PCSK1: variants seen among roughly 807,000 people sequenced by gnomAD.
The protein encoded by PCSK1 is neuroendocrine convertase 1.
In PCSK1, 56 loss-of-function variants were observed where a neutral mutation model predicts 90.6. The ratio of observed to expected loss-of-function variants is 0.62; its 90% CI spans 0.50 to 0.77. The LOEUF (loss-of-function observed/expected upper bound fraction) is 0.77. PCSK1 is among the 30% of genes least tolerant of loss of function. The probability of loss-of-function intolerance (pLI) is 0.00; values close to 1 mark genes in which losing one functional copy is unlikely to be tolerated. For missense variants in PCSK1, 801 were observed against 932.6 expected, an observed-to-expected ratio of 0.86 and a Z score of 1.84; for synonymous variants, 348 against 342.4, an observed-to-expected ratio of 1.02 and a Z score of -0.18.
Position 96,429,228 on chromosome 5 carries a change from T to A in PCSK1, c.270A>T (p.Leu90Phe). The A allele has an allele frequency of 2.6e-6, 4 of 1,544,396 alleles. No homozygotes were observed. Among genetic ancestry groups the A allele is most frequent in the Non-Finnish European group, 3.6e-6 (4 of 1,116,576 alleles). Residue 90 changes from leucine (L) to phenylalanine (F), a missense_variant, in exon 2 of 14, where the codon TTA becomes TTT. Coordinates refer to ENST00000311106, the MANE Select transcript of PCSK1 (RefSeq NM_000439.5). ...CAACACTTACACGATCATCATCAGATAATCTCTTAGTGATATGAAAGGCAC... is the reference window on the plus strand; with the variant it reads ...CAACACTTACACGATCATCATCAGAAAATCTCTTAGTGATATGAAAGGCAC... ...RRSAFHITKR[L>F]SDDDRVIWAE...
chr5:96,423,226 G>T, intron 4 of PCSK1, 87 bp downstream of exon 4: 2 of 1,294,618 alleles, frequency 1.5e-6, no homozygotes, highest in Non-Finnish European at 2.2e-6. Flanking sequence ...CACCAGAGCA[G>T]CATCCCCTTG....
chr5:96,427,446 C>A lies in PCSK1; in HGVS notation c.286-1516G>T, dbSNP rs1349342062. On this transcript the variant is annotated intron_variant, in intron 2 of 13. Transcript: ENST00000311106. ...TTGATCTGGAAAGAGCATTGAAGAT[C>A]ATCTAATTCAACCTTCCAATGCAAG... Among the ~76,000 whole-genome samples, 7 of 152,148 alleles carry A rather than the reference C, an allele frequency of 4.6e-5. 1 individual carries two copies. In the East Asian group the frequency reaches 1.3e-3, roughly 29 times the overall value.
At chr5:96,412,600 A>G (rs1476303897) in intron 6 of PCSK1, 110 bp from the exon 7 acceptor site, 1 of 1,006,180 alleles carries the variant, frequency 9.9e-7, no homozygotes, top group Non-Finnish European at 1.5e-6. Context: ...AGAGTCAAAA[A>G]CCAGGTAACT....
chr5:96,413,698 G>A (rs1188244113), intron 6 of PCSK1, among the ~76,000 whole-genome samples: 1 of 151,392 alleles, frequency 6.6e-6, no homozygotes, highest in Non-Finnish European at 1.5e-5. Flanking sequence ...TACTCAGGAG[G>A]CTGAGGCACA....
intron 4 of PCSK1, among the ~76,000 whole-genome samples, chr5:96,422,316 G>T (rs1374662473): frequency 6.6e-6 from 1 of 152,108 alleles, no homozygotes; most frequent in African/African-American, 2.4e-5. Flanking sequence ...CTTCCCTAAG[G>T]CCATAAAGCT....
chr5:96,403,354 T>A (rs1760449594), intron 9 of PCSK1, among the ~76,000 whole-genome samples: 1 of 152,180 alleles, frequency 6.6e-6, no homozygotes, highest in South Asian at 2.1e-4. Context: ...CATGTTGGTG[T>A]GCTGCACCCG....
chr5:96,432,954 T>C lies in PCSK1; in HGVS notation c.89A>G (p.Gln30Arg). ...CALNSAKAKRQFVNEWAAEIP... is the reference protein window; with the variant it reads ...CALNSAKAKRRFVNEWAAEIP... ...CTCCGCTGCCCATTCATTGACAAATTGCCTTTTCGCTTTTGCACTGTTCAG... is the reference window on the plus strand; with the variant it reads ...CTCCGCTGCCCATTCATTGACAAATCGCCTTTTCGCTTTTGCACTGTTCAG... Residue 30 changes from glutamine to arginine, a missense_variant, in exon 1 of 14, where the codon CAA becomes CGA. Physicochemically the swap from Gln to Arg is conservative, Grantham distance 43 (BLOSUM62 1). Coordinates refer to ENST00000311106, the MANE Select transcript of PCSK1 (RefSeq NM_000439.5). The C allele has an allele frequency of 6.2e-7, 1 of 1,614,196 alleles. No individual in the cohort carries two copies. The highest frequency in any genetic ancestry group is 8.5e-7 in the Non-Finnish European group (1 of 1,180,022).
rs1211694398 is a variant in PCSK1, at chr5:96,397,457, A to G, written c.1601T>C (p.Val534Ala). 1 of 1,613,160 alleles carries G rather than the reference A, an allele frequency of 6.2e-7. No individual in the cohort carries two copies. ...ATCCCGTTCTCTTTCAGCCAAGAGCACAGTGCTAGTTCCTATGAAACAAAT... is the reference window on the plus strand; with the variant it reads ...ATCCCGTTCTCTTTCAGCCAAGAGCGCAGTGCTAGTTCCTATGAAACAAAT... ...TLTSAAGTST[V>A]LLAERERDTS... The change falls in exon 12 of 14, where the codon GTG (valine) becomes GCG (alanine). Residue 534 changes from valine (V) to alanine (A), a missense_variant. Coordinates refer to ENST00000311106, the MANE Select transcript of PCSK1 (RefSeq NM_000439.5).
chr5:96,396,277 T>C (rs191153638), intron 12 of PCSK1, among the ~76,000 whole-genome samples: 1 of 152,282 alleles, frequency 6.6e-6, no homozygotes, highest in African/African-American at 2.4e-5. Context: ...AAAAGTTATC[T>C]AGGCCGGGTG....
At position 96,432,254 on chromosome 5, in the gene PCSK1, C is replaced by T. The variant is rs1002329324; in HGVS notation, c.180+609G>A. 1.4e-5 allele frequency: 11 copies of T among 810,996 alleles called. No individual in the cohort carries two copies. In the African/African-American group the frequency reaches 1.7e-4, roughly 13 times the overall value. 50.2% of individuals were successfully genotyped at this position (810,996 alleles called of 1,614,324 possible). A position where few individuals can be genotyped will look rare whatever the true frequency, so the allele number is the denominator to read the frequency against. On this transcript the variant is annotated intron_variant, in intron 1 of 13. Transcript: ENST00000311106. ...GGATAGATGGTCCCGTGTCTTTCAC[C>T]CACCATTTCTCCCCCCAGCTTCCCA...
rs376062034 is a variant in PCSK1, at chr5:96,410,960, G to A, written c.909C>T (p.Phe303=). 7 of 1,613,460 alleles carry A rather than the reference G, an allele frequency of 4.3e-6. No individual in the cohort carries two copies. The highest frequency in any genetic ancestry group is 1.1e-5 in the South Asian group (1 of 91,054). Residue 303 remains phenylalanine (F), a synonymous_variant, in exon 8 of 14, where the codon TTC becomes TTT. Transcript: ENST00000311106. ...KQGRQGKGSI[F]VWASGNGGRQ... ...GCCCCCCGTTTCCCGAAGCCCAGAC[G>A]AAGATGGACCCCTTCCCCTGTCTCC...
intron 2 of PCSK1, among the ~76,000 whole-genome samples, chr5:96,427,065 G>A (rs1046141509): frequency 6.6e-6 from 1 of 152,172 alleles, no homozygotes; most frequent in Non-Finnish European, 1.5e-5. Flanking sequence ...TAGGGAATAA[G>A]TACTAATCTT....
chr5:96,415,336 C>T (rs1760905567), intron 6 of PCSK1, among the ~76,000 whole-genome samples: 1 of 152,186 alleles, frequency 6.6e-6, no homozygotes, highest in Non-Finnish European at 1.5e-5. Flanking sequence ...CAAGGCCTAT[C>T]CAGTGGCTCT....
rs895297174 is a variant in PCSK1 at position 96,429,388 on chromosome 5, A to G, written c.181-71T>C. 3.2e-5 allele frequency: 27 copies of G among 839,592 alleles called. 1 individual carries two copies. The highest frequency in any genetic ancestry group is 5.2e-5 in the Non-Finnish European group (26 of 497,982). The allele number at this position is 839,592 out of a possible 1,614,324, so 52.0% of individuals were successfully genotyped here. On this transcript the variant is annotated intron_variant, in intron 1 of 13. Coordinates refer to ENST00000311106, the MANE Select transcript of PCSK1 (RefSeq NM_000439.5). ...GTATATATGGACTAGTTTAAAACTC[A>G]GCTAACTTAGAGATAGGCAACTTTT...
At chr5:96,416,142 A>C (rs1490881083) in intron 5 of PCSK1, 21 bp from the exon 6 acceptor site, 1 of 1,475,454 alleles carries the variant, frequency 6.8e-7, no homozygotes, top group Non-Finnish European at 9.5e-7. Context: ...AAAAATAAGA[A>C]TTATAAAACA....
intron 1 of PCSK1, chr5:96,432,137 T>C: frequency 6.5e-7 from 1 of 1,535,718 alleles, no homozygotes; most frequent in Non-Finnish European, 8.7e-7. Context: ...GTTCGGCATC[T>C]CGACCCTGCA....
In PCSK1 at chr5:96,393,196, T is replaced by C; in HGVS notation, c.2067A>G (p.Pro689=). ...SPPKQSPKKS[P]SAKLNIPYEN... The stretch of plus-strand genomic sequence containing the variant: ...CATAAGGGATGTTGAGCTTTGCACT[T>C]GGGGACTTCTTTGGTGATTGCTTTG... Residue 689 remains proline, a synonymous_variant, in exon 14 of 14, where the codon CCA becomes CCG. Coordinates refer to ENST00000311106, the MANE Select transcript of PCSK1 (RefSeq NM_000439.5). The C allele has an allele frequency of 6.2e-7, 1 of 1,614,152 alleles. No individual in the cohort carries two copies. The highest frequency in any genetic ancestry group is 8.5e-7 in the Non-Finnish European group (1 of 1,180,014).
chr5:96,399,057 G>C (rs374505751), intron 10 of PCSK1, 21 bp from the exon 11 acceptor site: 1 of 1,575,196 alleles, frequency 6.3e-7, no homozygotes, highest in Non-Finnish European at 8.7e-7. Flanking sequence ...TAAAGAATCA[G>C]CATTGAATAA....
intron 13 of PCSK1, among the ~76,000 whole-genome samples, chr5:96,394,192 T>C (rs1363537834): frequency 1.3e-5 from 2 of 152,144 alleles, no homozygotes; most frequent in African/African-American, 4.8e-5. Context: ...AACCTACCTA[T>C]TACACCTGAG....
Sources: gnomAD v4.1 joint callset for allele counts (sites outside exome capture counted in the v4.1 genomes callset) on GRCh38, gnomAD v4.1.1 for gene constraint, MANE v1.5 for transcripts, NCBI Gene and HGNC (gene_info 2026-07-23, HGNC 2026-07-21) for gene names.